Variants in C12orf43 observed in about 807,000 individuals in gnomAD.
The protein encoded by C12orf43 is protein CUSTOS.
Under a neutral mutation model 20.6 loss-of-function variants are expected in C12orf43, and 15 were observed. The ratio of observed to expected loss-of-function variants is 0.73; its 90% CI spans 0.49 to 1.12. C12orf43 has a LOEUF of 1.12. Ranked by LOEUF, C12orf43 falls within the 50% of genes most tolerant of loss-of-function variation. C12orf43 has a pLI of 0.00. For missense variants in C12orf43, 334 were observed against 344.4 expected, an observed-to-expected ratio of 0.97 and a Z score of 0.24; for synonymous variants, 144 against 130.8, an observed-to-expected ratio of 1.10 and a Z score of -0.69.
At chr12:121,009,073 A>G (rs981820613) in intron 3 of C12orf43, among the ~76,000 whole-genome samples, 1 of 151,864 alleles carries the variant, frequency 6.6e-6, no homozygotes, top group African/African-American at 2.4e-5. Flanking sequence ...TTGCTGTTGG[A>G]CCTCCTTTTT....
chr12:121,016,330 C>A lies in C12orf43; in HGVS notation c.145G>T (p.Gly49Cys). 3 of 1,613,690 alleles carry A rather than the reference C, an allele frequency of 1.9e-6. No individual in the cohort carries two copies. The highest frequency in any genetic ancestry group is 2.5e-6 in the Non-Finnish European group (3 of 1,180,032). Reference protein sequence around the residue: ...RPHVAGKPRAGAANSQLSTSQ... With the variant: ...RPHVAGKPRACAANSQLSTSQ... Reference sequence around the variant, plus strand: ...AGTCTCCCCAAACATAGTACCCTACCGGCTCTTGGCTTCCCTGCCACGTGC... The same window carrying A: ...AGTCTCCCCAAACATAGTACCCTACAGGCTCTTGGCTTCCCTGCCACGTGC... Residue 49 changes from glycine to cysteine, a missense_variant and splice_region_variant, in exon 1 of 6, where the codon GGT (glycine) becomes TGT (cysteine). Physicochemically the swap from Gly to Cys is radical, Grantham distance 159 (BLOSUM62 -3). Transcript: ENST00000288757.
rs777189633 is a variant in C12orf43, at chr12:121,003,971, C to T, written c.*182G>A. On this transcript the variant is annotated 3_prime_UTR_variant, in exon 6 of 6. Transcript: ENST00000288757. ...TTGATTGGTCTTCTCACCCTACAGCCACTTTTTTGGCCCAACTCTCGAGCA... is the reference window on the plus strand; with the variant it reads ...TTGATTGGTCTTCTCACCCTACAGCTACTTTTTTGGCCCAACTCTCGAGCA... 1 of 673,842 alleles carries T rather than the reference C, an allele frequency of 1.5e-6. No homozygotes were observed. Among genetic ancestry groups the T allele is most frequent in the Non-Finnish European group, 2.6e-6 (1 of 388,468 alleles). 41.7% of individuals were successfully genotyped at this position (673,842 alleles called of 1,614,324 possible). A position where few individuals can be genotyped will look rare whatever the true frequency, so the allele number is the denominator to read the frequency against.
intron 1 of C12orf43, 71 bp downstream of exon 1, chr12:121,016,259 C>G (rs757475229): frequency 6.2e-7 from 1 of 1,605,066 alleles, no homozygotes; most frequent in Admixed American, 1.7e-5. Flanking sequence ...CTCTCCTCAC[C>G]ATCCATCCTC....
Position 121,001,129 on chromosome 12 carries a change from G to C in C12orf43, c.*3024C>G, listed in dbSNP as rs757357354. Reference sequence around the variant, plus strand: ...CCAGCAATGGCCAGAGCCACCTGCTGCCATCCAACCACAGCGTCATCGAGA... The same window carrying C: ...CCAGCAATGGCCAGAGCCACCTGCTCCCATCCAACCACAGCGTCATCGAGA... On this transcript the variant is annotated 3_prime_UTR_variant, in exon 6 of 6. Transcript: ENST00000288757. 6.2e-7 allele frequency: 1 copy of C among 1,613,916 alleles called. No individual in the cohort carries two copies. The highest frequency in any genetic ancestry group is 1.3e-5 in the African/African-American group (1 of 74,932).
rs1215877989 is a variant in C12orf43 at position 121,014,287 on chromosome 12, G to A, written c.145+2043C>T. Reference sequence around the variant, plus strand: ...GCGGAGGTTGCAGGGAGCCAAGATCGCGCCATTGCACTCCAGCCTTGGTAA... The same window carrying A: ...GCGGAGGTTGCAGGGAGCCAAGATCACGCCATTGCACTCCAGCCTTGGTAA... On this transcript the variant is annotated intron_variant, in intron 1 of 5. Coordinates refer to ENST00000288757, the MANE Select transcript of C12orf43 (RefSeq NM_022895.3). Among the ~76,000 whole-genome samples, 17 of 152,020 alleles carry A rather than the reference G, an allele frequency of 1.1e-4. No individual in the cohort carries two copies. The East Asian group carries it at 1.5e-3, about 14-fold the overall frequency.
intron 3 of C12orf43, 98 bp downstream of exon 3, chr12:121,010,730 C>T: frequency 1.2e-6 from 1 of 863,592 alleles, no homozygotes; most frequent in Non-Finnish European, 1.7e-6. Flanking sequence ...AGGTGCCTGC[C>T]ACCGTGCCAG....
Position 121,002,531 on chromosome 12 carries a change from ATCAT to A in C12orf43, c.*1618_*1621del. ...GTGGAAACTTCTTGCTTGTCCACAAATCATTCAGATGGGGTTTGGGCAGGTAGCG... is the reference window on the plus strand; with the variant it reads ...GTGGAAACTTCTTGCTTGTCCACAAATCAGATGGGGTTTGGGCAGGTAGCG... On this transcript the variant is annotated 3_prime_UTR_variant, in exon 6 of 6. Transcript: ENST00000288757. The A allele has an allele frequency of 2.0e-6, 1 of 498,268 alleles. No individual in the cohort carries two copies. The highest frequency in any genetic ancestry group is 4.0e-6 in the Non-Finnish European group (1 of 252,508). The allele number at this position is 498,268 out of a possible 1,614,324, so 30.9% of individuals were successfully genotyped here.
At chr12:121,008,594 C>G (rs1019945591) in intron 3 of C12orf43, among the ~76,000 whole-genome samples, 2 of 152,230 alleles carry the variant, frequency 1.3e-5, no homozygotes, top group Non-Finnish European at 2.9e-5. Flanking sequence ...CAAAGGAAAA[C>G]TGCTCCCACA....
intron 3 of C12orf43, among the ~76,000 whole-genome samples, chr12:121,008,129 A>C (rs1878161552): frequency 6.6e-6 from 1 of 151,546 alleles, no homozygotes; most frequent in Admixed American, 6.6e-5. Context: ...ATGCAGTATC[A>C]TTTACATTTC....
chr12:121,004,582 A>G lies in C12orf43; in HGVS notation c.453-93T>C, dbSNP rs73214130. On this transcript the variant is annotated intron_variant, in intron 5 of 5. Transcript: ENST00000288757. This position sits in a 1 kb window ranked among gnomAD's most constrained non-coding sequence, Gnocchi z 5.6. Reference sequence around the variant, plus strand: ...GTCCTCCCTTGGTCCAGGTCACCAGAAGGTGGCCGCAGAGAGAGGCAGGTA... The same window carrying G: ...GTCCTCCCTTGGTCCAGGTCACCAGGAGGTGGCCGCAGAGAGAGGCAGGTA... 0.052 allele frequency: 69,341 copies of G among 1,322,010 alleles called. 2,060 individuals carry two copies. Among genetic ancestry groups the G allele is most frequent in the South Asian group, 0.085 (6,009 of 70,352 alleles). 81.9% of individuals were successfully genotyped at this position (1,322,010 alleles called of 1,614,324 possible).
Position 121,001,048 on chromosome 12 carries a change from C to G in C12orf43, c.*3105G>C. 6.2e-7 allele frequency: 1 copy of G among 1,612,636 alleles called. No homozygotes were observed. The highest frequency in any genetic ancestry group is 8.5e-7 in the Non-Finnish European group (1 of 1,179,774). ...GGGTGCCTGGTGGGTGGCTAGCAGC[C>G]TTGTTTGCCTCTGCAGTGTCCTCCA... On this transcript the variant is annotated 3_prime_UTR_variant, in exon 6 of 6. Coordinates refer to ENST00000288757, the MANE Select transcript of C12orf43 (RefSeq NM_022895.3).
In C12orf43 at chr12:121,001,751, C is replaced by A. The variant is rs11612393; in HGVS notation, c.*2402G>T. The stretch of plus-strand genomic sequence containing the variant: ...TGACCCCATCACCTACTCACACAGG[C>A]ATTTCCTGGGTGGCTACTCTGTGCC... On this transcript the variant is annotated 3_prime_UTR_variant, in exon 6 of 6. Coordinates refer to ENST00000288757, the MANE Select transcript of C12orf43 (RefSeq NM_022895.3). The A allele has an allele frequency of 1.5e-4, 78 of 533,862 alleles. No homozygotes were observed. The highest frequency in any genetic ancestry group is 2.4e-4 in the Non-Finnish European group (65 of 275,360). The allele number at this position is 533,862 out of a possible 1,614,324, so 33.1% of individuals were successfully genotyped here.
At chr12:121,011,451 A>G (rs1002656979) in intron 1 of C12orf43, among the ~76,000 whole-genome samples, 1 of 148,290 alleles carries the variant, frequency 6.7e-6, no homozygotes, top group Non-Finnish European at 1.5e-5. Context: ...TTATATATAT[A>G]AAACTTAAAA....
chr12:121,004,934 T>C lies in C12orf43; in HGVS notation c.452+69A>G. The C allele has an allele frequency of 8.3e-7, 1 of 1,209,252 alleles. No individual in the cohort carries two copies. Among genetic ancestry groups the C allele is most frequent in the South Asian group, 2.0e-5 (1 of 51,196 alleles). The allele number at this position is 1,209,252 out of a possible 1,614,324, so 74.9% of individuals were successfully genotyped here. A position where few individuals can be genotyped will look rare whatever the true frequency, so the allele number is the denominator to read the frequency against. Reference sequence around the variant, plus strand: ...TCCTGACTGGAGTCTGCTTGGCTATTCCAGGGAACCCACCAAGACAGAAGA... The same window carrying C: ...TCCTGACTGGAGTCTGCTTGGCTATCCCAGGGAACCCACCAAGACAGAAGA... On this transcript the variant is annotated intron_variant, in intron 5 of 5. Coordinates refer to ENST00000288757, the MANE Select transcript of C12orf43 (RefSeq NM_022895.3). This position sits in a 1 kb window ranked among gnomAD's most constrained non-coding sequence, Gnocchi z 5.6.
intron 1 of C12orf43, among the ~76,000 whole-genome samples, chr12:121,015,365 G>A (rs1233271881): frequency 6.6e-6 from 1 of 152,344 alleles, no homozygotes; most frequent in East Asian, 1.9e-4. Context: ...GGGCTTGTAA[G>A]TCCTTTTAAA....
At chr12:121,012,940 C>G (rs1868531729) in intron 1 of C12orf43, among the ~76,000 whole-genome samples, 1 of 149,636 alleles carries the variant, frequency 6.7e-6, no homozygotes, top group Admixed American at 6.7e-5. Flanking sequence ...AAAGTTAGCT[C>G]TGAGGTTTCT....
In C12orf43 at chr12:121,004,982, A is replaced by G; in HGVS notation, c.452+21T>C. ...AGAGGAGAAAAAAGGAGGGGACGTG[A>G]GGAGAGGTGTGAGTTCTCACCTGGA... On this transcript the variant is annotated intron_variant, in intron 5 of 5. Coordinates refer to ENST00000288757, the MANE Select transcript of C12orf43 (RefSeq NM_022895.3). The surrounding 1 kb of genome is among the most constrained non-coding windows in gnomAD (Gnocchi z 5.6). The G allele has an allele frequency of 6.6e-7, 1 of 1,505,554 alleles. No homozygotes were observed. Among genetic ancestry groups the G allele is most frequent in the South Asian group, 1.3e-5 (1 of 77,246 alleles). 93.3% of individuals were successfully genotyped at this position (1,505,554 alleles called of 1,614,324 possible). A position where few individuals can be genotyped will look rare whatever the true frequency, so the allele number is the denominator to read the frequency against.
At chr12:121,016,245 G>A in intron 1 of C12orf43, 85 bp downstream of exon 1, 2 of 1,595,710 alleles carry the variant, frequency 1.3e-6, no homozygotes, top group Non-Finnish European at 1.7e-6. Context: ...GAGTCCCAGT[G>A]ACTCTCTCCT....
At chr12:121,016,176 G>T in intron 1 of C12orf43, 154 bp downstream of exon 1, 1 of 1,142,872 alleles carries the variant, frequency 8.7e-7, no homozygotes, top group Non-Finnish European at 1.3e-6. Flanking sequence ...TACTGCACCT[G>T]CCCATGCTTT....
Sources: allele counts gnomAD v4.1 joint callset (sites outside exome capture counted in the v4.1 genomes callset), GRCh38; gene constraint gnomAD v4.1.1; non-coding constraint Gnocchi (gnomAD v3.1); transcripts MANE v1.5; gene names NCBI Gene and HGNC (gene_info 2026-07-23, HGNC 2026-07-21).